KNTC1: variants seen among roughly 807,000 people sequenced by gnomAD.
KNTC1 encodes kinetochore-associated protein 1.
KNTC1 carries 253 observed loss-of-function variants against 314.4 expected under a neutral mutation model. The observed-to-expected ratio is 0.80, with a 90% CI of 0.73 to 0.89. The LOEUF (loss-of-function observed/expected upper bound fraction) is 0.89, where lower values mean the gene tolerates loss of function less well. Ranked by LOEUF, KNTC1 falls within the 40% of genes least tolerant of loss-of-function variation. The probability of loss-of-function intolerance (pLI) is 0.00; values close to 1 mark genes in which losing one functional copy is unlikely to be tolerated. For synonymous variants in KNTC1, 901 were observed against 901.4 expected, an observed-to-expected ratio of 1.00 and a Z score of 0.01; for missense variants, 2,475 against 2,572.9, an observed-to-expected ratio of 0.96 and a Z score of 0.82.
In KNTC1 at chr12:122,586,723, G is replaced by T. The variant is rs369933318; in HGVS notation, c.3696G>T (p.Glu1232Asp). Residue 1232 changes from glutamate to aspartate, a missense_variant, in exon 38 of 64, where the codon GAG becomes GAT. Physicochemically the swap from Glu to Asp is conservative, Grantham distance 45 (BLOSUM62 2). Coordinates refer to ENST00000333479, the MANE Select transcript of KNTC1 (RefSeq NM_014708.6). ...TAGAAAGCAAGAGATATCCCTTGGA[G>T]TCTACCAGTTTGCCATACTGCTCCC... ...PLAESKRYPL[E>D]STSLPYCSLN... 6.7e-7 allele frequency: 1 copy of T among 1,497,460 alleles called. No individual in the cohort carries two copies. Among genetic ancestry groups the T allele is most frequent in the South Asian group, 1.4e-5 (1 of 71,924 alleles). 92.8% of individuals were successfully genotyped at this position (1,497,460 alleles called of 1,614,324 possible).
At chr12:122,550,137 G>A (rs932873317) in intron 13 of KNTC1, among the ~76,000 whole-genome samples, 1 of 133,794 alleles carries the variant, frequency 7.5e-6, no homozygotes, top group Non-Finnish European at 1.6e-5. Flanking sequence ...AGGAAGTATA[G>A]ATGATAATGG....
chr12:122,534,595 A>G, intron 2 of KNTC1, 69 bp from the exon 3 acceptor site: 1 of 1,400,652 alleles, frequency 7.1e-7, no homozygotes, highest in Non-Finnish European at 9.8e-7. Context: ...ATTTGATGAT[A>G]CTATTGATAA....
chr12:122,557,401 G>C lies in KNTC1; in HGVS notation c.1290G>C (p.Lys430Asn). 6.2e-7 allele frequency: 1 copy of C among 1,613,450 alleles called. No individual in the cohort carries two copies. The highest frequency in any genetic ancestry group is 1.1e-5 in the South Asian group (1 of 90,984). ...TATTACAGCTTGTTTACAAGGTCAA[G>C]TCAAATCATATATTGGAGAAACTGG... ...GLDVELVYKVKSNHILEKLAL... is the reference protein window; with the variant it reads ...GLDVELVYKVNSNHILEKLAL... The change falls in exon 17 of 64, where the codon AAG becomes AAC. Residue 430 changes from lysine (K) to asparagine (N), a missense_variant. Lys to Asn is a moderately conservative substitution (Grantham distance 94, BLOSUM62 0). Transcript: ENST00000333479.
At chr12:122,580,549 C>A in intron 32 of KNTC1, 54 bp from the exon 33 acceptor site, 2 of 1,102,752 alleles carry the variant, frequency 1.8e-6, no homozygotes, top group South Asian at 1.5e-5. Flanking sequence ...TTTTAAAATT[C>A]TGATAATATG....
chr12:122,542,088 T>G lies in KNTC1; in HGVS notation c.484T>G (p.Phe162Val). The G allele has an allele frequency of 6.5e-7, 1 of 1,541,916 alleles. No homozygotes were observed. The stretch of plus-strand genomic sequence containing the variant: ...GCTACTTCTTACATACAGTGGATTT[T>G]TTTGTATTACAAACCTTCAGCTTTT... ...YMLLLTYSGFFCITNLQLLKI... is the reference protein window; with the variant it reads ...YMLLLTYSGFVCITNLQLLKI... The change falls in exon 6 of 64, where the codon TTT becomes GTT. Residue 162 changes from phenylalanine to valine, a missense_variant. Transcript: ENST00000333479.
chr12:122,536,396 C>T (rs1961836289), intron 3 of KNTC1, among the ~76,000 whole-genome samples: 1 of 150,692 alleles, frequency 6.6e-6, no homozygotes, highest in African/African-American at 2.4e-5. Context: ...CCCTGCTAAT[C>T]TTTTTTTGTA....
chr12:122,613,097 CT>C lies in KNTC1; in HGVS notation c.5623-11del. The stretch of plus-strand genomic sequence containing the variant: ...TGCAGGTGTTCAACTCTCCAAACCT[CT>C]TTTGGTTTTTCAGACATTAGGTATG... On this transcript the variant is annotated splice_polypyrimidine_tract_variant and intron_variant, in intron 53 of 63. Coordinates refer to ENST00000333479, the MANE Select transcript of KNTC1 (RefSeq NM_014708.6). The C allele has an allele frequency of 6.7e-7, 1 of 1,494,352 alleles. No homozygotes were observed. The highest frequency in any genetic ancestry group is 9.3e-7 in the Non-Finnish European group (1 of 1,074,914). 92.6% of individuals were successfully genotyped at this position (1,494,352 alleles called of 1,614,324 possible). A position where few individuals can be genotyped will look rare whatever the true frequency, so the allele number is the denominator to read the frequency against.
chr12:122,616,462 C>T (rs534543135), intron 57 of KNTC1, among the ~76,000 whole-genome samples: 82 of 152,226 alleles, frequency 5.4e-4, no homozygotes, highest in Non-Finnish European at 1.5e-5. Flanking sequence ...GGGGTTTCAC[C>T]GTGTTAGCCA....
intron 30 of KNTC1, 121 bp downstream of exon 30, chr12:122,577,150 A>G: frequency 4.4e-6 from 3 of 683,334 alleles, no homozygotes; most frequent in Non-Finnish European, 6.6e-6. Flanking sequence ...GTGTTTCACC[A>G]TGTTGGTCAC....
chr12:122,559,967 A>G (rs139088185), intron 18 of KNTC1, among the ~76,000 whole-genome samples: 1 of 152,302 alleles, frequency 6.6e-6, no homozygotes, highest in Non-Finnish European at 1.5e-5. Context: ...ATCGTTGTGA[A>G]ACTGAAACTC....
At chr12:122,591,245 GT>G in intron 41 of KNTC1, 91 bp from the exon 42 acceptor site, 1 of 767,750 alleles carries the variant, frequency 1.3e-6, no homozygotes, top group Non-Finnish European at 2.4e-6. Flanking sequence ...TGATCACAAA[GT>G]TATGATTTTT....
At chr12:122,611,241 C>T in intron 53 of KNTC1, 2 of 237,196 alleles carry the variant, frequency 8.4e-6, no homozygotes, top group Non-Finnish European at 1.6e-5. Flanking sequence ...AAGGCCTAAT[C>T]TGGCTGCATG....
rs766374424 is a variant in KNTC1, at chr12:122,530,222, C to T, written c.129+30C>T. The T allele has an allele frequency of 7.5e-6, 12 of 1,602,460 alleles. No homozygotes were observed. In the Admixed American group the frequency reaches 2.0e-4, roughly 27 times the overall value. On this transcript the variant is annotated intron_variant, in intron 2 of 63. Transcript: ENST00000333479. ...TGATTATTACACTGACTGTTTCATT[C>T]ACAGAATTTTTACTGAGTGCTTAGT...
chr12:122,596,667 C>G (rs571533943), intron 43 of KNTC1, among the ~76,000 whole-genome samples: 6 of 152,088 alleles, frequency 3.9e-5, no homozygotes, highest in Non-Finnish European at 7.4e-5. Flanking sequence ...ATAGTGAGAG[C>G]CCCATCTCTA....
intron 53 of KNTC1, chr12:122,612,843 A>T (rs554382727): frequency 3.0e-6 from 1 of 335,034 alleles, no homozygotes; most frequent in African/African-American, 2.1e-5. Flanking sequence ...GTCAGTGCAA[A>T]TATCAACACA....
Position 122,602,816 on chromosome 12 carries a change from G to A in KNTC1, c.4826-13G>A. 6.2e-7 allele frequency: 1 copy of A among 1,612,064 alleles called. No homozygotes were observed. The highest frequency in any genetic ancestry group is 1.1e-5 in the South Asian group (1 of 90,732). Reference sequence around the variant, plus strand: ...TTCTTAAGCAAATCGTACTTTCCTTGTTTCCTTTCTAGCTACAGAACTCAG... The same window carrying A: ...TTCTTAAGCAAATCGTACTTTCCTTATTTCCTTTCTAGCTACAGAACTCAG... On this transcript the variant is annotated splice_polypyrimidine_tract_variant and intron_variant, in intron 46 of 63. Transcript: ENST00000333479.
intron 16 of KNTC1, among the ~76,000 whole-genome samples, chr12:122,553,230 C>G (rs1158323442): frequency 6.6e-6 from 1 of 151,306 alleles, no homozygotes; most frequent in Non-Finnish European, 1.5e-5. Flanking sequence ...GAAGGAAGGG[C>G]AGGGGACTTG....
At chr12:122,539,791 T>C in intron 5 of KNTC1, 37 bp downstream of exon 5, 1 of 1,383,926 alleles carries the variant, frequency 7.2e-7, no homozygotes, top group Non-Finnish European at 9.8e-7. Flanking sequence ...ATGACTTTTT[T>C]TTTTTTTTTT....
chr12:122,596,243 G>A (rs953669408), intron 43 of KNTC1, among the ~76,000 whole-genome samples: 1 of 151,570 alleles, frequency 6.6e-6, no homozygotes, highest in African/African-American at 2.4e-5. Flanking sequence ...CCACCATGCC[G>A]GGTTAATTAT....
Sources: gnomAD v4.1 joint callset for allele counts (sites outside exome capture counted in the v4.1 genomes callset) on GRCh38, gnomAD v4.1.1 for gene constraint, MANE v1.5 for transcripts, NCBI Gene and HGNC (gene_info 2026-07-23, HGNC 2026-07-21) for gene names.